Variants in CFAP74 observed in about 807,000 individuals in gnomAD.
CFAP74 encodes cilia and flagella associated protein 74.
In CFAP74, 124 loss-of-function variants were observed where a neutral mutation model predicts 188.9. The observed-to-expected ratio is 0.66, with a 90% CI of 0.57 to 0.76. CFAP74 has a LOEUF of 0.76. CFAP74 is among the 30% of genes least tolerant of loss of function. The pLI, the probability that CFAP74 is intolerant of heterozygous loss-of-function variation, is 0.00. For missense variants in CFAP74, 2,198 were observed against 2,165.2 expected, an observed-to-expected ratio of 1.02 and a Z score of -0.30; for synonymous variants, 956 against 916.7, an observed-to-expected ratio of 1.04 and a Z score of -0.77.
chr1:1,985,428 C>T lies in CFAP74; in HGVS notation c.458G>A (p.Arg153Lys), dbSNP rs1423010381. ...GGCCTCAGTCCTCGACTGCAGGTCTCTCTCGTTCTCCAGCTCTGCAAACAG... is the reference window on the plus strand; with the variant it reads ...GGCCTCAGTCCTCGACTGCAGGTCTTTCTCGTTCTCCAGCTCTGCAAACAG... ...RRLFAELENE[R>K]DLQSRTEAVL... The change falls in exon 6 of 39, where the codon AGA becomes AAA. Residue 153 changes from arginine to lysine, a missense_variant. Coordinates refer to ENST00000682832, the MANE Select transcript of CFAP74 (RefSeq NM_001304360.2). 2.7e-5 allele frequency: 44 copies of T among 1,614,134 alleles called. No individual in the cohort carries two copies. Among genetic ancestry groups the T allele is most frequent in the Non-Finnish European group, 3.5e-5 (41 of 1,180,040 alleles).
At chr1:1,960,184 G>T (rs1361924564) in intron 14 of CFAP74, 154 bp from the exon 15 acceptor site, 16 of 652,626 alleles carry the variant, frequency 2.5e-5, no homozygotes, top group Non-Finnish European at 2.6e-6. Context: ...GGGAGTGCTG[G>T]ATCTGCTGCA....
intron 6 of CFAP74, among the ~76,000 whole-genome samples, chr1:1,977,437 G>A (rs1194544518): frequency 1.3e-5 from 2 of 152,140 alleles, no homozygotes; most frequent in Non-Finnish European, 2.9e-5. Flanking sequence ...TGGGGGCCCC[G>A]TAACACCTCC....
chr1:1,969,247 C>T (rs1655731024), intron 10 of CFAP74, among the ~76,000 whole-genome samples: 1 of 109,014 alleles, frequency 9.2e-6, no homozygotes, highest in African/African-American at 3.4e-5. Context: ...CCAGCCCTGC[C>T]CAGCCCTGCC....
intron 18 of CFAP74, among the ~76,000 whole-genome samples, chr1:1,950,923 G>A (rs1312657916): frequency 1.3e-5 from 2 of 151,950 alleles, no homozygotes; most frequent in East Asian, 1.9e-4. Flanking sequence ...TTTTCGGGGG[G>A]GAATTTTATA....
At chr1:1,952,705 A>T (rs1280984444) in intron 18 of CFAP74, among the ~76,000 whole-genome samples, 1 of 152,128 alleles carries the variant, frequency 6.6e-6, no homozygotes, top group African/African-American at 2.4e-5. Flanking sequence ...GCCCAGGCTG[A>T]ATGCAGTGGT....
chr1:1,970,560 G>C, intron 10 of CFAP74, 99 bp downstream of exon 10: 1 of 1,343,128 alleles, frequency 7.4e-7, no homozygotes, highest in Non-Finnish European at 1.0e-6. Flanking sequence ...CTGGGAGAGA[G>C]AGCAGCTTTG....
At chr1:1,938,582 G>A (rs1295579456) in intron 25 of CFAP74, among the ~76,000 whole-genome samples, 3 of 151,920 alleles carry the variant, frequency 2.0e-5, no homozygotes, top group South Asian at 2.1e-4. Flanking sequence ...AGGCACACTC[G>A]CCTGTCCTCA....
At chr1:1,995,317 C>T (rs1378495534) in intron 1 of CFAP74, among the ~76,000 whole-genome samples, 2 of 151,928 alleles carry the variant, frequency 1.3e-5, no homozygotes, top group Non-Finnish European at 2.9e-5. Flanking sequence ...CATAGTGAAA[C>T]CCCGTCTCTA....
chr1:1,964,779 GA>G, intron 13 of CFAP74, 108 bp downstream of exon 13: 1 of 1,172,626 alleles, frequency 8.5e-7, no homozygotes, highest in Non-Finnish European at 1.2e-6. Context: ...GACAGAGTGA[GA>G]CTCCATCTCA....
intron 6 of CFAP74, among the ~76,000 whole-genome samples, chr1:1,979,993 G>A (rs1257973684): frequency 1.3e-5 from 2 of 151,158 alleles, no homozygotes; most frequent in Non-Finnish European, 2.9e-5. Context: ...CACCAGGCAG[G>A]GCTCTGCTGC....
intron 15 of CFAP74, 120 bp downstream of exon 15, chr1:1,959,844 G>T (rs1327099701): frequency 2.5e-6 from 2 of 787,220 alleles, no homozygotes; most frequent in Non-Finnish European, 3.9e-6. Context: ...GGGCCTGCGT[G>T]ATCCTCACTG....
In CFAP74 at chr1:1,927,449, G is replaced by A. The variant is rs940513833; in HGVS notation, c.3527+158C>T. 1.5e-5 allele frequency: 11 copies of A among 718,696 alleles called. 1 individual carries two copies. The Admixed American group carries it at 2.9e-4, about 19-fold the overall frequency. The allele number at this position is 718,696 out of a possible 1,614,324, so 44.5% of individuals were successfully genotyped here. On this transcript the variant is annotated intron_variant, in intron 28 of 38. Transcript: ENST00000682832. ...AAATGGGGTGGGTAGGTCCCAGGAA[G>A]GCAGCACCTGGATCCAGCTGTGTCT...
rs1254860228 is a variant in CFAP74, at chr1:1,923,541, C to G, written c.4390-42G>C. 6.3e-7 allele frequency: 1 copy of G among 1,590,612 alleles called. No individual in the cohort carries two copies. Among genetic ancestry groups the G allele is most frequent in the African/African-American group, 1.3e-5 (1 of 74,634 alleles). On this transcript the variant is annotated intron_variant, in intron 35 of 38. Transcript: ENST00000682832. The surrounding 1 kb of genome is among the most constrained non-coding windows in gnomAD (Gnocchi z 6.3). ...GAGTGGCCTTGTCCCCGAAGCTCGG[C>G]GGCAGGGGTCCTGCTGGTGAGAGCT... is the stretch of plus-strand genomic sequence containing the variant.
intron 1 of CFAP74, among the ~76,000 whole-genome samples, chr1:1,992,118 C>A (rs955485257): frequency 4.6e-5 from 7 of 151,972 alleles, no homozygotes; most frequent in African/African-American, 9.7e-5. Context: ...GGCATCGTCA[C>A]GCGTTGCTGG....
At chr1:1,994,002 A>T (rs1657777196) in intron 1 of CFAP74, among the ~76,000 whole-genome samples, 2 of 151,458 alleles carry the variant, frequency 1.3e-5, no homozygotes, top group Non-Finnish European at 2.9e-5. Flanking sequence ...AAAATAAAAT[A>T]AAAATAAAAA....
chr1:1,997,149 G>A (rs28827857), intron 1 of CFAP74, among the ~76,000 whole-genome samples: 50,428 of 151,726 alleles, frequency 0.33, 9,150 homozygotes, highest in African/African-American at 0.49. Context: ...GCGGCCGGGC[G>A]CGGTGGCGCA....
At chr1:1,993,968 C>G (rs1052326411) in intron 1 of CFAP74, among the ~76,000 whole-genome samples, 1 of 150,578 alleles carries the variant, frequency 6.6e-6, no homozygotes, top group Non-Finnish European at 1.5e-5. Flanking sequence ...GGCGACAGAG[C>G]AAGACTCCGT....
At position 1,955,233 on chromosome 1, in the gene CFAP74, C is replaced by T. The variant is rs552056321; in HGVS notation, c.2176+458G>A. The T allele has an allele frequency of 7.7e-5, 99 of 1,290,228 alleles. 1 individual carries two copies. In the East Asian group the frequency reaches 1.2e-3, roughly 15 times the overall value. 79.9% of individuals were successfully genotyped at this position (1,290,228 alleles called of 1,614,324 possible). Reference sequence around the variant, plus strand: ...ACGATCAAGAGAAGCAAGGAGGAGACGCAAGCGATTCCCGATGGCGGCGGG... The same window carrying T: ...ACGATCAAGAGAAGCAAGGAGGAGATGCAAGCGATTCCCGATGGCGGCGGG... On this transcript the variant is annotated intron_variant, in intron 18 of 38. Transcript: ENST00000682832.
Position 1,925,888 on chromosome 1 carries a change from G to C in CFAP74, c.3999C>G (p.Thr1333=). 1 of 1,612,634 alleles carries C rather than the reference G, an allele frequency of 6.2e-7. No homozygotes were observed. Among genetic ancestry groups the C allele is most frequent in the Non-Finnish European group, 8.5e-7 (1 of 1,179,866 alleles). ...IITKRGTLTL[T]LMGTGVASMI... ...TGGACGCCACGCCAGTGCCCATGAG[G>C]GTGAGGGTGAGCGTGCCTCTCTTGG... The change falls in exon 33 of 39, where the codon ACC becomes ACG. Residue 1333 remains threonine, a synonymous_variant. Coordinates refer to ENST00000682832, the MANE Select transcript of CFAP74 (RefSeq NM_001304360.2).
Sources: gnomAD v4.1 joint callset for allele counts (sites outside exome capture counted in the v4.1 genomes callset) on GRCh38, gnomAD v4.1.1 for gene constraint, Gnocchi (gnomAD v3.1) non-coding constraint, MANE v1.5 for transcripts, NCBI Gene and HGNC (gene_info 2026-07-23, HGNC 2026-07-21) for gene names.